CCNY: variants seen among roughly 807,000 people sequenced by gnomAD.
CCNY encodes cyclin-Y.
A neutral mutation model predicts 42.8 loss-of-function variants in CCNY; 19 were observed. That is an observed-to-expected ratio of 0.44 (90% confidence interval 0.31 to 0.65). CCNY has a LOEUF of 0.65. CCNY is among the 30% of genes least tolerant of loss of function. The probability of loss-of-function intolerance (pLI) is 0.07; values close to 1 mark genes in which losing one functional copy is unlikely to be tolerated. For missense variants in CCNY, 370 were observed against 437.3 expected, an observed-to-expected ratio of 0.85 and a Z score of 1.37; for synonymous variants, 165 against 162.7, an observed-to-expected ratio of 1.01 and a Z score of -0.11.
chr10:35,363,040 G>C (rs1836726247), intron 1 of CCNY, among the ~76,000 whole-genome samples: 1 of 150,022 alleles, frequency 6.7e-6, no homozygotes, highest in South Asian at 2.1e-4. Flanking sequence ...CCGGCGGCCG[G>C]GCGGAGACGC....
In CCNY at chr10:35,261,100, A is replaced by T. The variant is rs145300260; in HGVS notation, c.-9+10474A>T. ...CACTCCGCCTAGGTGACAGAGCAAT[A>T]ATCTGCCTTAAAAAAACAAAAGAAA... On this transcript the variant is annotated intron_variant, in intron 3 of 11. Transcript: ENST00000374706. Among the ~76,000 whole-genome samples, 552 of 152,134 alleles carry T rather than the reference A, an allele frequency of 3.6e-3. 1 individual carries two copies. Among genetic ancestry groups the T allele is most frequent in the African/African-American group, 0.013 (522 of 41,496 alleles).
upstream of CCNY, among the ~76,000 whole-genome samples, chr10:35,335,117 A>C (rs916841203): frequency 8.1e-6 from 1 of 122,820 alleles, no homozygotes; most frequent in Non-Finnish European, 1.6e-5. Context: ...AAATATTTGG[A>C]AAAAGGGTGG....
chr10:35,405,682 G>A (rs1370646861), intron 1 of CCNY, among the ~76,000 whole-genome samples: 2 of 152,166 alleles, frequency 1.3e-5, no homozygotes, highest in Admixed American at 6.5e-5. Context: ...TAATGATTAA[G>A]AAGGGGACGG....
intron 1 of CCNY, among the ~76,000 whole-genome samples, chr10:35,383,187 G>C (rs1322395522): frequency 6.6e-6 from 1 of 152,224 alleles, no homozygotes; most frequent in Non-Finnish European, 1.5e-5. Context: ...GTCACCTGCA[G>C]ATGACCTAGG....
intron 3 of CCNY, among the ~76,000 whole-genome samples, chr10:35,256,861 A>T (rs780966635): frequency 2.0e-5 from 3 of 152,162 alleles, no homozygotes; most frequent in Non-Finnish European, 4.4e-5. Context: ...ACTAATAATT[A>T]TTTTAAGTGC....
At chr10:35,334,422 C>T (rs911307895), upstream of CCNY, among the ~76,000 whole-genome samples, 6 of 152,218 alleles carry the variant, frequency 3.9e-5, no homozygotes, top group Admixed American at 3.3e-4. Context: ...GGGAACTTCT[C>T]TCCCACGGGT....
chr10:35,380,154 G>A (rs899228163), intron 1 of CCNY, among the ~76,000 whole-genome samples: 5 of 152,338 alleles, frequency 3.3e-5, no homozygotes, highest in Admixed American at 2.6e-4. Flanking sequence ...GAGGCTGCCA[G>A]GTACCAGTCT....
At chr10:35,259,871 T>C (rs1589003666) in intron 3 of CCNY, among the ~76,000 whole-genome samples, 1 of 148,434 alleles carries the variant, frequency 6.7e-6, no homozygotes, top group South Asian at 2.1e-4. Context: ...AAGGAAATTT[T>C]ATGCATAATC....
At chr10:35,355,156 C>G (rs1347804218) in intron 1 of CCNY, among the ~76,000 whole-genome samples, 1 of 152,148 alleles carries the variant, frequency 6.6e-6, no homozygotes, top group African/African-American at 2.4e-5. Context: ...GAGCCTTACT[C>G]TCCTGTGTGT....
At chr10:35,314,586 T>A (rs556342583) in intron 3 of CCNY, 1 of 152,330 alleles carries the variant, frequency 6.6e-6, no homozygotes, top group East Asian at 1.9e-4. Context: ...GGTAAAATAA[T>A]ATGAAATTTA....
chr10:35,572,628 G>GTAT lies in CCNY; in HGVS notation c.*3460_*3462dup, dbSNP rs1841710202. On this transcript the variant is annotated 3_prime_UTR_variant, in exon 10 of 10. Transcript: ENST00000374704. Reference sequence around the variant, plus strand: ...AAAACATGATTCTTGGTTATTGTAGGTATTTAATAAATGTTAAATAAATAT... The same window carrying GTAT: ...AAAACATGATTCTTGGTTATTGTAGGTATTATTTAATAAATGTTAAATAAATAT... 1 of 152,170 alleles carries GTAT rather than the reference G, an allele frequency of 6.6e-6. No homozygotes were observed. Among genetic ancestry groups the GTAT allele is most frequent in the Non-Finnish European group, 1.5e-5 (1 of 68,046 alleles). 9.4% of individuals were successfully genotyped at this position (152,170 alleles called of 1,614,324 possible).
chr10:35,265,517 G>A (rs578228464), intron 3 of CCNY, among the ~76,000 whole-genome samples: 1 of 152,216 alleles, frequency 6.6e-6, no homozygotes, highest in South Asian at 2.1e-4. Context: ...AGTTACTTCT[G>A]TGGAGGCCTC....
intron 7 of CCNY, among the ~76,000 whole-genome samples, chr10:35,547,390 C>T (rs1396079914): frequency 6.6e-6 from 1 of 152,096 alleles, no homozygotes; most frequent in Non-Finnish European, 1.5e-5. Flanking sequence ...CTTGGAAACC[C>T]CCACAAAGGC....
intron 1 of CCNY, among the ~76,000 whole-genome samples, chr10:35,343,603 C>G (rs746420162): frequency 2.6e-5 from 4 of 151,760 alleles, no homozygotes; most frequent in Non-Finnish European, 5.9e-5. Flanking sequence ...TTGGCCAGGC[C>G]GATCTCAAAC....
chr10:35,371,239 A>C (rs1380818956), intron 1 of CCNY, among the ~76,000 whole-genome samples: 2 of 152,134 alleles, frequency 1.3e-5, no homozygotes, highest in African/African-American at 4.8e-5. Flanking sequence ...TGGCTGACGG[A>C]TGAGAGGTGA....
In CCNY at chr10:35,393,317, C is replaced by T. The variant is rs577677080; in HGVS notation, c.154+56110C>T. Among the ~76,000 whole-genome samples, 64 of 152,228 alleles carry T rather than the reference C, an allele frequency of 4.2e-4. No individual in the cohort carries two copies. The South Asian group carries it at 9.7e-3, about 23-fold the overall frequency. On this transcript the variant is annotated intron_variant, in intron 1 of 9. Coordinates refer to ENST00000374704, the MANE Select transcript of CCNY (RefSeq NM_145012.6). ...CAGTGTTTTCTCAAACCTTGCTGTC[C>T]GGGCTTTTTGTTGTCATTGTCCTGA...
At chr10:35,300,104 C>T (rs960489978) in intron 3 of CCNY, among the ~76,000 whole-genome samples, 1 of 152,202 alleles carries the variant, frequency 6.6e-6, no homozygotes, top group Non-Finnish European at 1.5e-5. Flanking sequence ...CTTACAGTTT[C>T]CTAGTAGATG....
At position 35,336,923 on chromosome 10, in the gene CCNY, G is replaced by C; in HGVS notation, c.-131G>C. 2.2e-6 allele frequency: 1 copy of C among 460,276 alleles called. No homozygotes were observed. The highest frequency in any genetic ancestry group is 2.9e-6 in the Non-Finnish European group (1 of 346,336). 28.5% of individuals were successfully genotyped at this position (460,276 alleles called of 1,614,324 possible). A position where few individuals can be genotyped will look rare whatever the true frequency, so the allele number is the denominator to read the frequency against. On this transcript the variant is annotated 5_prime_UTR_variant, in exon 1 of 10. Coordinates refer to ENST00000374704, the MANE Select transcript of CCNY (RefSeq NM_145012.6). ...TGACCCGGCGGCCGGCCGCCGTTCC[G>C]CCCCCTCCCGTGGCGGCGAGCGGGC...
chr10:35,340,969 G>A (rs1836166865), intron 1 of CCNY, among the ~76,000 whole-genome samples: 1 of 152,154 alleles, frequency 6.6e-6, no homozygotes, highest in Non-Finnish European at 1.5e-5. Flanking sequence ...TTAAGCAGCT[G>A]CCATCTCCCC....
Sources: gnomAD v4.1 joint callset for allele counts (sites outside exome capture counted in the v4.1 genomes callset) on GRCh38, gnomAD v4.1.1 for gene constraint, MANE v1.5 for transcripts, NCBI Gene and HGNC (gene_info 2026-07-23, HGNC 2026-07-21) for gene names.